Variants in CDC40 observed in about 807,000 individuals in gnomAD.
The protein encoded by CDC40 is cell division cycle 40, also known as pre-mRNA-processing factor 17.
A neutral mutation model predicts 80.6 loss-of-function variants in CDC40; 27 were observed. That is an observed-to-expected ratio of 0.33 (90% CI 0.25 to 0.46). CDC40 has a LOEUF of 0.46. Ranked by LOEUF, CDC40 falls within the 20% of genes least tolerant of loss-of-function variation. The pLI is 1.00. For synonymous variants in CDC40, 221 were observed against 232.6 expected (o/e 0.95, Z 0.45); for missense variants, 486 against 694.1 (o/e 0.70, Z 3.37).
At chr6:110,189,603 A>C (rs1413502982) in intron 1 of CDC40, among the ~76,000 whole-genome samples, 2 of 152,130 alleles carry the variant, frequency 1.3e-5, no homozygotes, top group East Asian at 3.8e-4. Context: ...TTCAGAGGCT[A>C]ATCTTCCAAC....
intron 1 of CDC40, among the ~76,000 whole-genome samples, chr6:110,183,779 G>T (rs1418761949): frequency 6.6e-6 from 1 of 152,098 alleles, no homozygotes; most frequent in East Asian, 1.9e-4. Context: ...TTTAATCTAT[G>T]TTTTTTCCGA....
chr6:110,211,528 A>C (rs1777636417), intron 6 of CDC40: 1 of 152,210 alleles, frequency 6.6e-6, no homozygotes, highest in African/African-American at 2.4e-5. Context: ...TTAAAACTAT[A>C]ATAACAATAA....
Position 110,213,135 on chromosome 6 carries a change from C to T in CDC40, c.917C>T (p.Ser306Phe). 6.2e-7 allele frequency: 1 copy of T among 1,610,472 alleles called. No homozygotes were observed. The highest frequency in any genetic ancestry group is 8.5e-7 in the Non-Finnish European group (1 of 1,176,658). Residue 306 changes from serine to phenylalanine, a missense_variant, in exon 8 of 15, where the codon TCT (serine) becomes TTT (phenylalanine). Physicochemically the swap from Ser to Phe is radical, Grantham distance 155 (BLOSUM62 -2). Transcript: ENST00000307731. ...LFPLSGHLLL[S>F]CSMDCKIKLW... ...CCTCTCTCTGGCCATTTATTGCTGT[C>T]TTGTTCCATGGACTGTAAAATTAAG...
At chr6:110,202,403 T>G (rs1457435048) in intron 3 of CDC40, among the ~76,000 whole-genome samples, 1 of 152,178 alleles carries the variant, frequency 6.6e-6, no homozygotes, top group African/African-American at 2.4e-5. Context: ...AGGGGTCCCA[T>G]GTAAATCTAA....
intron 2 of CDC40, 24 bp from the exon 3 acceptor site, chr6:110,201,531 TTTA>T (rs1262822584): frequency 1.3e-6 from 2 of 1,543,200 alleles, no homozygotes; most frequent in East Asian, 2.4e-5. Flanking sequence ...CTTATTTTAT[TTTA>T]TTTTTTTTCT....
chr6:110,229,926 T>A, intron 14 of CDC40, 28 bp from the exon 15 acceptor site: 1 of 1,483,450 alleles, frequency 6.7e-7, no homozygotes. Flanking sequence ...ATTTTAATAA[T>A]TTGAATTTAT....
Position 110,209,145 on chromosome 6 carries a change from T to G in CDC40, c.552T>G (p.Asn184Lys). Residue 184 changes from asparagine (N) to lysine (K), a missense_variant, in exon 5 of 15, where the codon AAT becomes AAG. By Grantham distance (94) the Asn-to-Lys change is moderately conservative (BLOSUM62 0). Transcript: ENST00000307731. Reference sequence around the variant, plus strand: ...AAAAGAGGAAAAAGTTTAAAGAAAATGATGCATCCAATATTGATGGTTTTT... The same window carrying G: ...AAAAGAGGAAAAAGTTTAAAGAAAAGGATGCATCCAATATTGATGGTTTTT... ...KTEKRKKFKE[N>K]DASNIDGFLG... 1.9e-6 allele frequency: 3 copies of G among 1,604,592 alleles called. No homozygotes were observed. The highest frequency in any genetic ancestry group is 2.6e-6 in the Non-Finnish European group (3 of 1,171,958).
At chr6:110,208,379 A>G (rs1054992601) in intron 4 of CDC40, among the ~76,000 whole-genome samples, 8 of 152,214 alleles carry the variant, frequency 5.3e-5, no homozygotes, top group African/African-American at 1.7e-4. Context: ...ACTTGTGACT[A>G]TGATTCCACA....
rs1777600357 is a variant in CDC40 at position 110,209,095 on chromosome 6, T to C, written c.502T>C (p.Phe168Leu). The C allele has an allele frequency of 1.9e-6, 3 of 1,569,174 alleles. No individual in the cohort carries two copies. The highest frequency in any genetic ancestry group is 2.6e-6 in the Non-Finnish European group (3 of 1,141,694). The change falls in exon 5 of 15, where the codon TTT becomes CTT. Residue 168 changes from phenylalanine (F) to leucine (L), a missense_variant. By Grantham distance (22) the Phe-to-Leu change is conservative. Coordinates refer to ENST00000307731, the MANE Select transcript of CDC40 (RefSeq NM_015891.3). ...TTTTGTTAACGTAGGTTTAACTGTA[T>C]TTGAAACTGGTCAGAAGAAAACAGA... ...EAEKNQGLTVFETGQKKTEKR... is the reference protein window; with the variant it reads ...EAEKNQGLTVLETGQKKTEKR...
Position 110,180,464 on chromosome 6 carries a change from C to G in CDC40, c.20C>G (p.Ala7Gly). The G allele has an allele frequency of 1.9e-6, 3 of 1,614,192 alleles. No individual in the cohort carries two copies. The highest frequency in any genetic ancestry group is 2.2e-5 in the East Asian group (1 of 44,874). ...GCCGTCATGTCGGCTGCGATTGCAG[C>G]TCTGGCCGCTTCCTATGGTTCGGGT... MSAAIA[A>G]LAASYGSGSG... is the part of the protein sequence containing the mutation. Residue 7 changes from alanine to glycine, a missense_variant, in exon 1 of 15, where the codon GCT becomes GGT. Ala to Gly is a moderately conservative substitution (Grantham distance 60). This residue lies in a region of CDC40 where 381 missense variants were observed against 492.1 expected (regional missense o/e 0.77). Transcript: ENST00000307731.
chr6:110,189,471 C>G (rs1306813356), intron 1 of CDC40, among the ~76,000 whole-genome samples: 1 of 152,092 alleles, frequency 6.6e-6, no homozygotes, highest in African/African-American at 2.4e-5. Flanking sequence ...TTGCCTGTAC[C>G]CTGACTACAC....
chr6:110,221,128 T>C (rs747101551), intron 12 of CDC40, among the ~76,000 whole-genome samples: 11 of 152,172 alleles, frequency 7.2e-5, no homozygotes, highest in Non-Finnish European at 1.0e-4. Flanking sequence ...TTCTATAATT[T>C]AGTTGCAAAA....
At chr6:110,203,959 C>T (rs1265740945) in intron 3 of CDC40, among the ~76,000 whole-genome samples, 2 of 152,184 alleles carry the variant, frequency 1.3e-5, no homozygotes, top group African/African-American at 4.8e-5. Flanking sequence ...CTTTTAGTCT[C>T]ACAATAATTA....
intron 5 of CDC40, among the ~76,000 whole-genome samples, 153 bp from the exon 6 acceptor site, chr6:110,210,554 A>C (rs923078990): frequency 8.1e-6 from 1 of 123,814 alleles, no homozygotes; most frequent in Non-Finnish European, 1.7e-5. Context: ...TCATCTCAGA[A>C]AAAAAAAAAA....
At chr6:110,225,747 A>G (rs1307602942) in intron 12 of CDC40, among the ~76,000 whole-genome samples, 2 of 152,060 alleles carry the variant, frequency 1.3e-5, no homozygotes, top group African/African-American at 4.8e-5. Context: ...TTTTTAATTT[A>G]ATTTTTGGTT....
At chr6:110,209,435 C>T in intron 5 of CDC40, 1 of 431,632 alleles carries the variant, frequency 2.3e-6, no homozygotes. Flanking sequence ...TTCTCTCATG[C>T]TTTTTTATTA....
chr6:110,197,164 A>G (rs565245593), intron 2 of CDC40, among the ~76,000 whole-genome samples: 2 of 152,314 alleles, frequency 1.3e-5, no homozygotes, highest in African/African-American at 4.8e-5. Context: ...TCACAAATTA[A>G]GAGTGCTTTT....
chr6:110,199,857 CTCTGTGGATGATAGCT>C (rs764092772), intron 2 of CDC40, among the ~76,000 whole-genome samples: 17 of 152,044 alleles, frequency 1.1e-4, no homozygotes, highest in African/African-American at 3.6e-4. Flanking sequence ...GCAGATGCTG[CTCTGTGGATGATAGCT>C]TCTGTGGATG....
At chr6:110,190,873 G>A (rs770678392) in intron 1 of CDC40, among the ~76,000 whole-genome samples, 5 of 152,266 alleles carry the variant, frequency 3.3e-5, no homozygotes, top group Admixed American at 2.0e-4. Flanking sequence ...TGCCCGGCAT[G>A]ACCTCCTCCA....
Sources: gnomAD v4.1 joint callset for allele counts (sites outside exome capture counted in the v4.1 genomes callset) on GRCh38, gnomAD v4.1.1 for gene constraint, gnomAD v4.1.1 regional missense constraint, MANE v1.5 for transcripts, NCBI Gene and HGNC (gene_info 2026-07-23, HGNC 2026-07-21) for gene names.